TENM2: variants seen among roughly 807,000 people sequenced by gnomAD.
TENM2 encodes teneurin transmembrane protein 2.
Under a neutral mutation model 245.2 loss-of-function variants are expected in TENM2, and 52 were observed. That is an observed-to-expected ratio of 0.21 (90% CI 0.17 to 0.27). The LOEUF (loss-of-function observed/expected upper bound fraction) is 0.27. Among genes scored for constraint, TENM2 ranks in the 10% least tolerant of loss-of-function variants. The probability of loss-of-function intolerance (pLI) is 1.00; values close to 1 mark genes in which losing one functional copy is unlikely to be tolerated. For missense variants in TENM2, 3,046 were observed against 3,666.8 expected, an observed-to-expected ratio of 0.83 and a Z score of 4.37; for synonymous variants, 1,363 against 1,438.9, an observed-to-expected ratio of 0.95 and a Z score of 1.19.
the TENM2 span, among the ~76,000 whole-genome samples, chr5:167,179,088 AT>A: frequency 2.0e-5 from 3 of 151,950 alleles, no homozygotes; most frequent in African/African-American, 2.4e-5. Flanking sequence ...ATACTTTGTG[AT>A]TTTTTTTCTC....
intron 2 of TENM2, among the ~76,000 whole-genome samples, chr5:167,649,739 C>T (rs1442312984): frequency 6.6e-6 from 1 of 152,106 alleles, no homozygotes. Context: ...AGGGTGCTAA[C>T]AATGTATTAG....
intron 4 of TENM2, among the ~76,000 whole-genome samples, chr5:167,972,993 C>A (rs865847799): frequency 1.3e-5 from 2 of 152,114 alleles, no homozygotes; most frequent in Non-Finnish European, 2.9e-5. Context: ...AACTCCTAAC[C>A]TTTGTTGCCT....
chr5:168,240,720 G>GAA (rs3832364), intron 25 of TENM2, among the ~76,000 whole-genome samples: 43 of 149,916 alleles, frequency 2.9e-4, no homozygotes, highest in Middle Eastern at 6.8e-3. Context: ...TGAGCAAAAA[G>GAA]AAAAAAAAAT....
At chr5:167,949,678 G>A (rs1779925219) in intron 3 of TENM2, among the ~76,000 whole-genome samples, 2 of 152,132 alleles carry the variant, frequency 1.3e-5, no homozygotes, top group Non-Finnish European at 2.9e-5. Context: ...GCACGCCCAG[G>A]TTCACACAAC....
At chr5:167,432,375 G>A (rs566452548) in intron 2 of TENM2, among the ~76,000 whole-genome samples, 3 of 151,710 alleles carry the variant, frequency 2.0e-5, no homozygotes, top group East Asian at 3.9e-4. Context: ...AATAAAAACC[G>A]GTTAAGGTAA....
chr5:168,254,308 G>A (rs933814091), intron 27 of TENM2, among the ~76,000 whole-genome samples: 4 of 152,216 alleles, frequency 2.6e-5, no homozygotes, highest in Admixed American at 6.5e-5. Context: ...TAAAGGAGGA[G>A]GGGTGTTGTG....
intron 2 of TENM2, among the ~76,000 whole-genome samples, chr5:167,379,621 C>A (rs1467640196): frequency 6.6e-6 from 1 of 152,032 alleles, no homozygotes; most frequent in African/African-American, 2.4e-5. Context: ...TATTTTATAA[C>A]CCACTCTACT....
chr5:168,015,068 C>T (rs1271805871), intron 5 of TENM2, among the ~76,000 whole-genome samples: 2 of 152,206 alleles, frequency 1.3e-5, no homozygotes, highest in South Asian at 2.1e-4. Flanking sequence ...TAGCCTCTTA[C>T]CATCAGCCAG....
intron 7 of TENM2, among the ~76,000 whole-genome samples, chr5:168,073,823 G>C (rs987322649): frequency 6.6e-6 from 1 of 152,230 alleles, no homozygotes; most frequent in Non-Finnish European, 1.5e-5. Flanking sequence ...AGGAGACCCT[G>C]TGTTCAGACA....
chr5:168,260,303 A>G (rs1768067723), exon 28 of TENM2: 3 of 1,613,932 alleles, frequency 1.9e-6, no homozygotes, highest in African/African-American at 1.3e-5. Flanking sequence ...CTGGCTTGTG[A>G]TGTTTGGATT....
chr5:167,455,506 T>C (rs2127482942), intron 2 of TENM2, among the ~76,000 whole-genome samples: 1 of 149,056 alleles, frequency 6.7e-6, no homozygotes, highest in African/African-American at 2.5e-5. Flanking sequence ...ATAAAACATT[T>C]CATTATCCAT....
At chr5:168,066,868 A>T (rs542642333) in intron 7 of TENM2, among the ~76,000 whole-genome samples, 1 of 152,340 alleles carries the variant, frequency 6.6e-6, no homozygotes, top group South Asian at 2.1e-4. Flanking sequence ...GAAAAAGAAT[A>T]ATCTGACCTG....
intron 1 of TENM2, among the ~76,000 whole-genome samples, chr5:167,310,080 C>T (rs552877931): frequency 6.6e-6 from 1 of 152,232 alleles, no homozygotes; most frequent in African/African-American, 2.4e-5. Flanking sequence ...TGAATGTAGA[C>T]CATATTGGAA....
the TENM2 span, among the ~76,000 whole-genome samples, chr5:166,998,867 C>T: frequency 6.6e-6 from 1 of 151,858 alleles, no homozygotes; most frequent in African/African-American, 2.4e-5. Context: ...GCTAGATTTG[C>T]AGATGAAATA....
chr5:167,744,641 C>T (rs1761429749), intron 2 of TENM2, among the ~76,000 whole-genome samples: 1 of 152,106 alleles, frequency 6.6e-6, no homozygotes. Flanking sequence ...ATCGTTCCTT[C>T]CACCTATTAA....
At chr5:167,509,492 A>G (rs1769778162) in intron 2 of TENM2, among the ~76,000 whole-genome samples, 2 of 152,164 alleles carry the variant, frequency 1.3e-5, no homozygotes, top group Non-Finnish European at 2.9e-5. Context: ...TTTAATCGAC[A>G]CTTAATTAAT....
chr5:167,697,201 G>T (rs746482443), intron 2 of TENM2, among the ~76,000 whole-genome samples: 2 of 152,174 alleles, frequency 1.3e-5, no homozygotes, highest in African/African-American at 4.8e-5. Flanking sequence ...CCTGAGAAAG[G>T]CTGCTCCATC....
chr5:167,757,208 A>G (rs997877040), intron 2 of TENM2, among the ~76,000 whole-genome samples: 7 of 151,836 alleles, frequency 4.6e-5, no homozygotes, highest in Non-Finnish European at 8.8e-5. Flanking sequence ...CATCAGCTAC[A>G]TTAGGTATTT....
intron 9 of TENM2, among the ~76,000 whole-genome samples, chr5:168,099,496 T>G (rs967922863): frequency 6.6e-6 from 1 of 152,200 alleles, no homozygotes; most frequent in East Asian, 1.9e-4. Context: ...CAGGGCACAA[T>G]AAGGCCTCAA....
Sources: allele counts gnomAD v4.1 joint callset (sites outside exome capture counted in the v4.1 genomes callset), GRCh38; gene constraint gnomAD v4.1.1; transcripts MANE v1.5; gene names NCBI Gene and HGNC (gene_info 2026-07-23, HGNC 2026-07-21).